DLG2: variants seen among roughly 807,000 people sequenced by gnomAD.
The protein encoded by DLG2 is disks large homolog 2.
DLG2 carries 45 observed loss-of-function variants against 132.5 expected under a neutral mutation model. The observed-to-expected ratio is 0.34, with a 90% CI of 0.27 to 0.44. DLG2 has a LOEUF of 0.44. DLG2 is among the 20% of genes least tolerant of loss of function. The probability of loss-of-function intolerance (pLI) is 1.00; values close to 1 mark genes in which losing one functional copy is unlikely to be tolerated. For missense variants in DLG2, 1,045 were observed against 1,196.9 expected, an observed-to-expected ratio of 0.87 and a Z score of 1.87; for synonymous variants, 424 against 419.6, an observed-to-expected ratio of 1.01 and a Z score of -0.13.
intron 18 of DLG2, among the ~76,000 whole-genome samples, chr11:83,706,594 G>T (rs555998509): frequency 5.7e-4 from 87 of 152,354 alleles, no homozygotes; most frequent in Non-Finnish European, 1.0e-3. Context: ...GAAGAGGAAA[G>T]AGGAAGCAGG....
chr11:84,833,563 T>G (rs1751300814), intron 6 of DLG2, among the ~76,000 whole-genome samples: 1 of 151,246 alleles, frequency 6.6e-6, no homozygotes, highest in Non-Finnish European at 1.5e-5. Context: ...ATTTAGCTTC[T>G]CTGAGCCCCA....
rs1026405482 is a variant in DLG2 at position 83,649,783 on chromosome 11, G to C, written c.1826-16458C>G. Among the ~76,000 whole-genome samples the C allele has an allele frequency of 2.0e-4, 31 of 152,090 alleles. 1 individual carries two copies. The highest frequency in any genetic ancestry group is 4.1e-4 in the Non-Finnish European group (28 of 67,962). On this transcript the variant is annotated intron_variant, in intron 18 of 27. Transcript: ENST00000376104. ...AGGGTAGGAGGAAGGGAGGCATAAG[G>C]GAATTTCTTTCCCCTCTCTGTTTCA...
intron 6 of DLG2, among the ~76,000 whole-genome samples, chr11:84,858,683 T>G: frequency 6.6e-6 from 1 of 152,200 alleles, no homozygotes; most frequent in Non-Finnish European, 1.5e-5. Context: ...ACTCAATTAC[T>G]TGAGACAAGT....
At chr11:83,893,434 C>T (rs2070594419) in intron 15 of DLG2, among the ~76,000 whole-genome samples, 1 of 152,200 alleles carries the variant, frequency 6.6e-6, no homozygotes, top group South Asian at 2.1e-4. Context: ...TGGCCTTCTT[C>T]CTGCCTCTCA....
At chr11:84,609,660 C>T (rs1593663391) in intron 6 of DLG2, among the ~76,000 whole-genome samples, 1 of 152,042 alleles carries the variant, frequency 6.6e-6, no homozygotes, top group Non-Finnish European at 1.5e-5. Flanking sequence ...GAAAATGAAA[C>T]CTTTGATTAC....
Position 83,999,013 on chromosome 11 carries a change from A to G in DLG2, c.920-18371T>C, listed in dbSNP as rs1365052292. Among the ~76,000 whole-genome samples the G allele has an allele frequency of 5.3e-5, 8 of 152,310 alleles. No individual in the cohort carries two copies. The East Asian group carries it at 1.5e-3, about 29-fold the overall frequency. On this transcript the variant is annotated intron_variant, in intron 11 of 27. Transcript: ENST00000376104. ...TGAGGCATGAGTGCTGCCAGGGATG[A>G]GGCATGAGTGATGTAAACATTCCCG...
chr11:84,905,295 C>T (rs2091377167), intron 6 of DLG2, among the ~76,000 whole-genome samples: 1 of 152,130 alleles, frequency 6.6e-6, no homozygotes, highest in Non-Finnish European at 1.5e-5. Context: ...TTAGTCTCTC[C>T]TCCAATGTTA....
At chr11:83,684,459 G>A (rs1345280827) in intron 18 of DLG2, 1 of 152,110 alleles carries the variant, frequency 6.6e-6, no homozygotes, top group Non-Finnish European at 1.5e-5. Flanking sequence ...CTTTTCCTCT[G>A]AGCGTCTTAC....
rs185011908 is a variant in DLG2 at position 84,018,787 on chromosome 11, G to C, written c.920-38145C>G. Among the ~76,000 whole-genome samples the C allele has an allele frequency of 2.4e-3, 363 of 150,174 alleles. 1 individual carries two copies. Among genetic ancestry groups the C allele is most frequent in the Non-Finnish European group, 4.1e-3 (278 of 67,528 alleles). On this transcript the variant is annotated intron_variant, in intron 11 of 27. Transcript: ENST00000376104. ...GAGTTCTTCAGCAGATAAACTATAA[G>C]GTAAATAAAATATAGAGTGGAATTC... is the stretch of plus-strand genomic sequence containing the variant.
chr11:83,541,542 A>G, intron 20 of DLG2, 140 bp downstream of exon 20: 2 of 777,664 alleles, frequency 2.6e-6, no homozygotes, highest in Non-Finnish European at 3.8e-6. Flanking sequence ...ACCTGTCACC[A>G]CTGACAATTT....
intron 18 of DLG2, among the ~76,000 whole-genome samples, chr11:83,680,031 T>C (rs1009525468): frequency 6.6e-6 from 1 of 152,192 alleles, no homozygotes; most frequent in East Asian, 1.9e-4. Flanking sequence ...GACATGGTTT[T>C]GTGTGTATGT....
intron 4 of DLG2, among the ~76,000 whole-genome samples, chr11:85,263,154 G>C (rs1595791055): frequency 6.6e-6 from 1 of 152,312 alleles, no homozygotes; most frequent in South Asian, 2.1e-4. Flanking sequence ...CCTGGCACTA[G>C]GGCCTTACAC....
At chr11:85,238,258 T>C (rs1461985572) in intron 4 of DLG2, among the ~76,000 whole-genome samples, 1 of 122,832 alleles carries the variant, frequency 8.1e-6, no homozygotes, top group Non-Finnish European at 1.8e-5. Context: ...TATTTATTTA[T>C]TTTGAGACAG....
chr11:85,147,932 T>C (rs1197308856), intron 5 of DLG2, among the ~76,000 whole-genome samples: 1 of 151,322 alleles, frequency 6.6e-6, no homozygotes, highest in African/African-American at 2.4e-5. Context: ...GGCCCTGGTG[T>C]GTGTTATTCC....
At chr11:83,750,034 G>A (rs1224566503) in intron 18 of DLG2, among the ~76,000 whole-genome samples, 6 of 152,110 alleles carry the variant, frequency 3.9e-5, no homozygotes, top group Non-Finnish European at 7.4e-5. Context: ...TCACTTTTAG[G>A]GAGGGGGAAC....
intron 6 of DLG2, among the ~76,000 whole-genome samples, chr11:85,038,819 C>A (rs2061617494): frequency 1.3e-5 from 2 of 152,024 alleles, no homozygotes; most frequent in African/African-American, 2.4e-5. Flanking sequence ...AAATTAGACA[C>A]CACATATGGT....
chr11:84,125,969 T>C (rs1595758405), intron 9 of DLG2, among the ~76,000 whole-genome samples: 2 of 152,334 alleles, frequency 1.3e-5, no homozygotes, highest in East Asian at 3.9e-4. Flanking sequence ...TCAAGTTTTT[T>C]CCTCCCTTTC....
chr11:84,133,631 C>T (rs929610941), intron 9 of DLG2, among the ~76,000 whole-genome samples: 12 of 3,896 alleles, frequency 3.1e-3, no homozygotes, highest in African/African-American at 0.011. Context: ...TTTTTTCCTT[C>T]TTCTTCTTCT....
chr11:84,060,385 C>T (rs546477957), intron 10 of DLG2, among the ~76,000 whole-genome samples: 144 of 152,128 alleles, frequency 9.5e-4, no homozygotes, highest in Admixed American at 1.7e-3. Flanking sequence ...TCCAGTGTTT[C>T]CCCACCCTCC....
Sources: allele counts gnomAD v4.1 joint callset (sites outside exome capture counted in the v4.1 genomes callset), GRCh38; gene constraint gnomAD v4.1.1; transcripts MANE v1.5; gene names NCBI Gene and HGNC (gene_info 2026-07-23, HGNC 2026-07-21).